The following PTPRD variants were observed in gnomAD, a reference collection of about 807,000 sequenced individuals.
The protein encoded by PTPRD is protein tyrosine phosphatase receptor type D.
A neutral mutation model predicts 214.5 loss-of-function variants in PTPRD; 34 were observed. The observed-to-expected ratio is 0.16, with a 90% CI of 0.12 to 0.21. PTPRD has a LOEUF of 0.21. PTPRD is among the 10% of genes least tolerant of loss of function. PTPRD has a pLI of 1.00. For synonymous variants in PTPRD, 1,128 were observed against 845.7 expected, an observed-to-expected ratio of 1.33 and a Z score of -5.79; for missense variants, 2,545 against 2,398.7, an observed-to-expected ratio of 1.06 and a Z score of -1.27.
chr9:9,341,517 T>C (rs992585852), intron 9 of PTPRD, among the ~76,000 whole-genome samples: 1 of 152,140 alleles, frequency 6.6e-6, no homozygotes, highest in Non-Finnish European at 1.5e-5. Context: ...GTCCTGCTGG[T>C]AATAGATGGA....
chr9:8,326,122 G>A (rs1203861888), intron 44 of PTPRD, among the ~76,000 whole-genome samples: 1 of 152,218 alleles, frequency 6.6e-6, no homozygotes, highest in Non-Finnish European at 1.5e-5. Context: ...TAGGAGCAGT[G>A]AGAGAGGGCA....
At chr9:8,444,969 C>A (rs946271537) in intron 34 of PTPRD, among the ~76,000 whole-genome samples, 2 of 152,084 alleles carry the variant, frequency 1.3e-5, no homozygotes, top group East Asian at 3.9e-4. Context: ...TTAAATGCAT[C>A]TTTTATAAGT....
In PTPRD at chr9:10,441,744, A is replaced by G. The variant is rs542135388; in HGVS notation, c.-599-100727T>C. 2.1e-4 allele frequency among the ~76,000 whole-genome samples: 32 copies of G among 151,808 alleles called. No homozygotes were observed. The South Asian group carries it at 6.6e-3, about 31-fold the overall frequency. On this transcript the variant is annotated intron_variant, in intron 2 of 45. Transcript: ENST00000381196. Reference sequence around the variant, plus strand: ...GGCACATACAGCAGGTAGTTAATAAATCAAAATAAATAAATGAATGAGTGG... The same window carrying G: ...GGCACATACAGCAGGTAGTTAATAAGTCAAAATAAATAAATGAATGAGTGG...
chr9:9,111,430 T>C lies in PTPRD; in HGVS notation c.-143+71874A>G, dbSNP rs2099805924. 2.6e-5 allele frequency among the ~76,000 whole-genome samples: 4 copies of C among 151,958 alleles called. No homozygotes were observed. In the South Asian group the frequency reaches 8.3e-4, roughly 32 times the overall value. On this transcript the variant is annotated intron_variant, in intron 10 of 45. Transcript: ENST00000381196. ...AGATGGTTTTTCTGTGCCTGCTGGG[T>C]GAGTCCTCACTTTGGATGTGGTCAG...
intron 9 of PTPRD, among the ~76,000 whole-genome samples, chr9:9,190,172 C>T (rs1013601738): frequency 6.6e-6 from 1 of 152,032 alleles, no homozygotes; most frequent in Non-Finnish European, 1.5e-5. Flanking sequence ...GCTCTGTTCT[C>T]ATTGGTAGAT....
intron 14 of PTPRD, among the ~76,000 whole-genome samples, chr9:8,570,387 G>A (rs1260471860): frequency 6.6e-6 from 1 of 152,016 alleles, no homozygotes; most frequent in Non-Finnish European, 1.5e-5. Context: ...TATTTCAAAA[G>A]CAACAATTTA....
Position 9,709,939 on chromosome 9 carries a change from A to C in PTPRD, c.-287+24594T>G, listed in dbSNP as rs968617989. On this transcript the variant is annotated intron_variant, in intron 7 of 45. Coordinates refer to ENST00000381196, the MANE Select transcript of PTPRD (RefSeq NM_002839.4). ...CTTTTTCTGCATTGTACACGCATTT[A>C]TGTAAATATATACAAAATTATCTTC... is the stretch of plus-strand genomic sequence containing the variant. Among the ~76,000 whole-genome samples, 63 of 152,098 alleles carry C rather than the reference A, an allele frequency of 4.1e-4. 1 individual carries two copies. Among genetic ancestry groups the C allele is most frequent in the Admixed American group, 4.1e-3 (63 of 15,266 alleles).
At chr9:9,212,725 C>T (rs1395688143) in intron 9 of PTPRD, among the ~76,000 whole-genome samples, 1 of 152,084 alleles carries the variant, frequency 6.6e-6, no homozygotes, top group East Asian at 1.9e-4. Flanking sequence ...GGAACTAATA[C>T]AGATATGGGT....
chr9:8,597,504 A>C (rs1480681425), intron 14 of PTPRD, among the ~76,000 whole-genome samples: 1 of 126,070 alleles, frequency 7.9e-6, no homozygotes, highest in Non-Finnish European at 1.9e-5. Context: ...CAAAAATATC[A>C]AAATAAAACA....
chr9:8,460,337 C>G (rs1052717228), intron 33 of PTPRD, 74 bp downstream of exon 33: 2 of 1,556,548 alleles, frequency 1.3e-6, no homozygotes, highest in African/African-American at 2.7e-5. Context: ...CACCTAAGGA[C>G]AGCAGAACAA....
intron 2 of PTPRD, among the ~76,000 whole-genome samples, chr9:10,509,301 C>T (rs981127454): frequency 1.3e-5 from 2 of 151,428 alleles, no homozygotes; most frequent in African/African-American, 2.4e-5. Context: ...AATTTATTTG[C>T]CATTTGTTTA....
intron 14 of PTPRD, among the ~76,000 whole-genome samples, chr9:8,568,107 A>G (rs769158660): frequency 3.3e-5 from 5 of 152,176 alleles, no homozygotes; most frequent in Non-Finnish European, 5.9e-5. Flanking sequence ...TATTCTAAAT[A>G]CTGCAAATTA....
intron 9 of PTPRD, among the ~76,000 whole-genome samples, chr9:9,250,691 C>A (rs977919239): frequency 6.6e-6 from 1 of 151,916 alleles, no homozygotes; most frequent in African/African-American, 2.4e-5. Context: ...GGCCTTTGGC[C>A]TTTTTGGGAC....
chr9:8,501,529 C>G (rs866726418), intron 23 of PTPRD, among the ~76,000 whole-genome samples: 13 of 152,294 alleles, frequency 8.5e-5, no homozygotes, highest in African/African-American at 2.9e-4. Context: ...ACATACAGTA[C>G]TCATTTGTGA....
intron 9 of PTPRD, among the ~76,000 whole-genome samples, chr9:9,275,206 TATATA>T (rs1237646542): frequency 3.9e-5 from 3 of 77,260 alleles, no homozygotes; most frequent in African/African-American, 1.7e-4. Context: ...ATATTATATA[TATATA>T]TATATAACCA....
chr9:9,024,936 G>A (rs567100658), intron 10 of PTPRD, among the ~76,000 whole-genome samples: 14 of 152,002 alleles, frequency 9.2e-5, no homozygotes, highest in African/African-American at 3.4e-4. Flanking sequence ...TCAACTAGAT[G>A]CAAAAGTGAT....
At chr9:10,251,607 C>T (rs943304106) in intron 3 of PTPRD, among the ~76,000 whole-genome samples, 3 of 152,126 alleles carry the variant, frequency 2.0e-5, no homozygotes, top group African/African-American at 4.8e-5. Flanking sequence ...ATAAATCACA[C>T]AGAACATCAC....
At chr9:10,303,699 C>A (rs140402654) in intron 3 of PTPRD, among the ~76,000 whole-genome samples, 4,421 of 142,298 alleles carry the variant, frequency 0.031, 288 homozygotes, top group Admixed American at 0.16. Context: ...TACACCCTCC[C>A]AAGACTAAAC....
intron 10 of PTPRD, among the ~76,000 whole-genome samples, chr9:9,073,831 T>C (rs1347648453): frequency 1.3e-5 from 1 of 74,580 alleles, no homozygotes; most frequent in African/African-American, 4.2e-5. Context: ...CAGTTCTAAT[T>C]CTCCAAAATC....
Sources: gnomAD v4.1 joint callset for allele counts (sites outside exome capture counted in the v4.1 genomes callset) on GRCh38, gnomAD v4.1.1 for gene constraint, MANE v1.5 for transcripts, NCBI Gene and HGNC (gene_info 2026-07-23, HGNC 2026-07-21) for gene names.